Variants in ATP8A2 observed in about 807,000 individuals in gnomAD.
The protein encoded by ATP8A2 is phospholipid-transporting ATPase IB.
ATP8A2 carries 100 observed loss-of-function variants against 165.6 expected under a neutral mutation model. The observed-to-expected ratio is 0.60, with a 90% CI of 0.51 to 0.71. The LOEUF is 0.71. ATP8A2 is among the 30% of genes least tolerant of loss of function. The pLI is 0.00. For missense variants in ATP8A2, 1,227 were observed against 1,479.5 expected, an observed-to-expected ratio of 0.83 and a Z score of 2.80; for synonymous variants, 543 against 548.8, an observed-to-expected ratio of 0.99 and a Z score of 0.15.
intron 27 of ATP8A2, among the ~76,000 whole-genome samples, chr13:25,811,499 T>C (rs1950867751): frequency 6.6e-6 from 1 of 152,156 alleles, no homozygotes; most frequent in Non-Finnish European, 1.5e-5. Flanking sequence ...AAAATGATTA[T>C]CCTTGCCCCG....
intron 27 of ATP8A2, among the ~76,000 whole-genome samples, chr13:25,814,168 A>G (rs1380062452): frequency 6.6e-6 from 1 of 152,104 alleles, no homozygotes; most frequent in Non-Finnish European, 1.5e-5. Context: ...GTTGTGATGA[A>G]TATCTGTGGT....
chr13:25,712,920 G>A (rs1310620811), intron 25 of ATP8A2, among the ~76,000 whole-genome samples: 1 of 152,154 alleles, frequency 6.6e-6, no homozygotes, highest in Non-Finnish European at 1.5e-5. Flanking sequence ...TTCCAGCAAA[G>A]ATAAGTTATT....
intron 35 of ATP8A2, among the ~76,000 whole-genome samples, chr13:25,999,364 C>T (rs1956588475): frequency 6.6e-6 from 1 of 152,194 alleles, no homozygotes; most frequent in East Asian, 1.9e-4. Context: ...TGACCTCTCT[C>T]TGGTCCCCTG....
chr13:25,735,967 A>G (rs959570093), intron 25 of ATP8A2, among the ~76,000 whole-genome samples: 1 of 152,172 alleles, frequency 6.6e-6, no homozygotes, highest in East Asian at 1.9e-4. Flanking sequence ...ATACGCGACT[A>G]CTATTTTTAT....
At chr13:25,492,010 C>T (rs78568975) in intron 2 of ATP8A2, among the ~76,000 whole-genome samples, 4,229 of 152,054 alleles carry the variant, frequency 0.028, 203 homozygotes, top group African/African-American at 0.096. Flanking sequence ...TTTTTTTGGA[C>T]GATAAAAATT....
At chr13:25,697,949 A>G (rs1204319516) in intron 24 of ATP8A2, among the ~76,000 whole-genome samples, 1 of 152,204 alleles carries the variant, frequency 6.6e-6, no homozygotes, top group African/African-American at 2.4e-5. Context: ...CCTGTTTCTC[A>G]CTTTTTAATA....
At chr13:25,430,318 A>C (rs1035529545) in intron 1 of ATP8A2, among the ~76,000 whole-genome samples, 33 of 152,098 alleles carry the variant, frequency 2.2e-4, no homozygotes, top group Admixed American at 1.5e-3. Flanking sequence ...GCCCGTGTGG[A>C]GGGGCAGGAA....
intron 35 of ATP8A2, among the ~76,000 whole-genome samples, chr13:26,006,336 C>G: frequency 6.6e-6 from 1 of 151,750 alleles, no homozygotes; most frequent in East Asian, 1.9e-4. Context: ...TATTTGTATA[C>G]TACTGATTTT....
intron 1 of ATP8A2, among the ~76,000 whole-genome samples, chr13:25,437,882 G>T (rs1193921890): frequency 1.3e-5 from 2 of 152,130 alleles, no homozygotes; most frequent in Non-Finnish European, 2.9e-5. Context: ...TACCCAAAAT[G>T]ATTCTTTGCC....
intron 2 of ATP8A2, 72 bp downstream of exon 2, chr13:25,469,193 G>T: frequency 6.4e-7 from 1 of 1,552,450 alleles, no homozygotes; most frequent in East Asian, 2.3e-5. Flanking sequence ...CCTCCTGCGC[G>T]GGGCTTGGCC....
At chr13:25,416,654 C>T (rs186378162) in intron 1 of ATP8A2, among the ~76,000 whole-genome samples, 107 of 152,286 alleles carry the variant, frequency 7.0e-4, no homozygotes, top group African/African-American at 2.5e-3. Flanking sequence ...ACCCAGTCCT[C>T]TCAAAATGGA....
At chr13:25,800,947 G>A (rs894691746) in intron 27 of ATP8A2, among the ~76,000 whole-genome samples, 12 of 152,158 alleles carry the variant, frequency 7.9e-5, no homozygotes, top group Non-Finnish European at 1.2e-4. Context: ...ATCTTTCAGG[G>A]TCGAGAATTT....
At chr13:26,016,558 C>G (rs1956979563) in intron 36 of ATP8A2, among the ~76,000 whole-genome samples, 1 of 152,154 alleles carries the variant, frequency 6.6e-6, no homozygotes, top group African/African-American at 2.4e-5. Context: ...GCTTTTGCAC[C>G]TTCCATTTGA....
At chr13:25,459,583 A>G (rs2035452683) in intron 1 of ATP8A2, among the ~76,000 whole-genome samples, 1 of 152,230 alleles carries the variant, frequency 6.6e-6, no homozygotes, top group African/African-American at 2.4e-5. Flanking sequence ...GTGTGGTGTT[A>G]GGGAATAAGT....
At chr13:25,408,086 T>C (rs1337487493) in intron 1 of ATP8A2, among the ~76,000 whole-genome samples, 13 of 132,794 alleles carry the variant, frequency 9.8e-5, no homozygotes, top group Non-Finnish European at 2.1e-4. Context: ...AAAAAATATA[T>C]ATATATTTGA....
chr13:25,927,267 T>G, intron 33 of ATP8A2: 3 of 456,140 alleles, frequency 6.6e-6, no homozygotes, highest in South Asian at 4.6e-5. Context: ...AACGTCTGCA[T>G]TTTATCACCT....
At chr13:25,388,354 C>T (rs2033129490) in intron 1 of ATP8A2, among the ~76,000 whole-genome samples, 2 of 152,146 alleles carry the variant, frequency 1.3e-5, no homozygotes, top group Non-Finnish European at 2.9e-5. Flanking sequence ...ACCCCTCAGA[C>T]ACTGAGTTAA....
chr13:25,497,962 AAAT>A (rs532053837), intron 2 of ATP8A2, among the ~76,000 whole-genome samples: 85 of 151,522 alleles, frequency 5.6e-4, no homozygotes, highest in African/African-American at 1.9e-3. Context: ...ATTCCGTCTC[AAAT>A]AATAATAATA....
At chr13:25,445,881 G>C (rs1426505534) in intron 1 of ATP8A2, among the ~76,000 whole-genome samples, 1 of 152,158 alleles carries the variant, frequency 6.6e-6, no homozygotes, top group Admixed American at 6.5e-5. Flanking sequence ...GACAGGCAGT[G>C]ATGAGGAGCT....
Sources: allele counts gnomAD v4.1 joint callset (sites outside exome capture counted in the v4.1 genomes callset), GRCh38; gene constraint gnomAD v4.1.1; transcripts MANE v1.5; gene names NCBI Gene and HGNC (gene_info 2026-07-23, HGNC 2026-07-21).